The following MACF1 variants were observed in gnomAD, a reference collection of about 807,000 sequenced individuals.
MACF1 encodes microtubule-actin cross-linking factor 1.
A neutral mutation model predicts 854.8 loss-of-function variants in MACF1; 193 were observed. The ratio of observed to expected loss-of-function variants is 0.23; its 90% CI spans 0.20 to 0.25. MACF1 has a LOEUF of 0.25. MACF1 is among the 10% of genes least tolerant of loss of function. The pLI is 1.00. For missense variants in MACF1, 7,722 were observed against 8,929.1 expected (o/e 0.86, Z 5.45); for synonymous variants, 3,185 against 3,226.7 (o/e 0.99, Z 0.44).
At chr1:39,365,189 C>T (rs575866427) in intron 49 of MACF1, among the ~76,000 whole-genome samples, 21 of 152,216 alleles carry the variant, frequency 1.4e-4, no homozygotes, top group African/African-American at 4.3e-4. Flanking sequence ...CCATTCTCTG[C>T]CTCAACCTCC....
Position 39,257,942 on chromosome 1 carries a change from C to G in MACF1, c.442C>G (p.Leu148Val), listed in dbSNP as rs781562191. 1 of 1,612,280 alleles carries G rather than the reference C, an allele frequency of 6.2e-7. No homozygotes were observed. Among genetic ancestry groups the G allele is most frequent in the Non-Finnish European group, 8.5e-7 (1 of 1,178,382 alleles). ...LDFLKQRQVKLVNIRNDDITD... is the reference protein window; with the variant it reads ...LDFLKQRQVKVVNIRNDDITD... Reference sequence around the variant, plus strand: ...GCTTTTATTTCTTTTTCAGGTGAAACTAGTGAATATTCGCAATGATGACAT... The same window carrying G: ...GCTTTTATTTCTTTTTCAGGTGAAAGTAGTGAATATTCGCAATGATGACAT... The change falls in exon 6 of 101, where the codon CTA (leucine) becomes GTA (valine). Residue 148 changes from leucine to valine, a missense_variant. Leu to Val is a conservative substitution (Grantham distance 32). Coordinates refer to ENST00000564288, the MANE Select transcript of MACF1 (RefSeq NM_001394062.1).
At chr1:39,291,816 C>G in intron 15 of MACF1, 94 bp from the exon 16 acceptor site, 1 of 1,341,156 alleles carries the variant, frequency 7.5e-7, no homozygotes, top group Non-Finnish European at 1.0e-6. Flanking sequence ...GCTCAGTCCT[C>G]TACCCCTTGG....
intron 58 of MACF1, chr1:39,410,717 C>G: frequency 6.2e-7 from 1 of 1,613,960 alleles, no homozygotes; most frequent in Admixed American, 1.7e-5. Context: ...ATAGAAGCTT[C>G]TCTCAGTGAG....
At chr1:39,148,499 A>G (rs1215708860) in intron 2 of MACF1, among the ~76,000 whole-genome samples, 2 of 152,210 alleles carry the variant, frequency 1.3e-5, no homozygotes, top group East Asian at 1.9e-4. Flanking sequence ...AAATATTTTG[A>G]TGTTTTCTTT....
chr1:39,431,972 T>C (rs1643882546), intron 66 of MACF1, among the ~76,000 whole-genome samples: 1 of 152,168 alleles, frequency 6.6e-6, no homozygotes, highest in African/African-American at 2.4e-5. Flanking sequence ...TCAGACCCTG[T>C]CTCTGAGGGG....
chr1:39,473,622 C>T (rs985283078), intron 97 of MACF1, among the ~76,000 whole-genome samples: 4 of 152,142 alleles, frequency 2.6e-5, no homozygotes, highest in Non-Finnish European at 5.9e-5. Context: ...TCTTCATCCC[C>T]GTGAAATAAT....
chr1:39,281,888 A>G (rs1462128773), intron 6 of MACF1, among the ~76,000 whole-genome samples: 1 of 152,214 alleles, frequency 6.6e-6, no homozygotes, highest in Non-Finnish European at 1.5e-5. Context: ...TTCAAAACTG[A>G]CATCCAGAGA....
intron 2 of MACF1, among the ~76,000 whole-genome samples, chr1:39,128,952 A>G (rs996194997): frequency 2.0e-5 from 3 of 152,134 alleles, no homozygotes; most frequent in African/African-American, 7.2e-5. Flanking sequence ...CTTATCACAC[A>G]TTTGCCCAGT....
chr1:39,481,005 C>T lies in MACF1; in HGVS notation c.22256C>T (p.Pro7419Leu). The T allele has an allele frequency of 6.4e-7, 1 of 1,550,670 alleles. No homozygotes were observed. Among genetic ancestry groups the T allele is most frequent in the Non-Finnish European group, 8.7e-7 (1 of 1,146,902 alleles). ...AGTPIRDSHSPDLQLPTPEVI... is the reference protein window; with the variant it reads ...AGTPIRDSHSLDLQLPTPEVI... ...ACCCCTATCAGGGACAGCCATTCTC[C>T]TGACCTCCAGCTGCCCACCCCCGAG... Residue 7419 changes from proline to leucine, a missense_variant, in exon 99 of 101, where the codon CCT becomes CTT. Coordinates refer to ENST00000564288, the MANE Select transcript of MACF1 (RefSeq NM_001394062.1).
In MACF1 at chr1:39,387,711, T is replaced by C. The variant is rs745814004; in HGVS notation, c.14869T>C (p.Ser4957Pro). Residue 4957 changes from serine (S) to proline (P), a missense_variant, in exon 58 of 101, where the codon TCC becomes CCC. Transcript: ENST00000564288. ...GCTGAATGAGGTGGAGAAGCGCCGC[T>C]CCCTGCTGGAAATATTGAATAGTGC... Reference protein sequence around the residue: ...AMLNEVEKRRSLLEILNSAAD... With the variant: ...AMLNEVEKRRPLLEILNSAAD... 8 of 1,613,980 alleles carry C rather than the reference T, an allele frequency of 5.0e-6. No homozygotes were observed. Among genetic ancestry groups the C allele is most frequent in the Non-Finnish European group, 6.8e-6 (8 of 1,180,022 alleles).
chr1:39,189,526 A>G (rs987736667), intron 2 of MACF1, among the ~76,000 whole-genome samples: 18 of 152,168 alleles, frequency 1.2e-4, no homozygotes, highest in Non-Finnish European at 2.4e-4. Context: ...CCCAACCCAA[A>G]TACACAAACC....
chr1:39,378,232 C>T (rs140005301), intron 52 of MACF1, among the ~76,000 whole-genome samples: 40 of 152,252 alleles, frequency 2.6e-4, no homozygotes, highest in South Asian at 6.2e-4. Context: ...AAAGGGAATA[C>T]GAATTTCCTC....
chr1:39,361,554 C>T lies in MACF1; in HGVS notation c.12648C>T (p.Pro4216=). The T allele has an allele frequency of 6.2e-7, 1 of 1,614,130 alleles. No individual in the cohort carries two copies. The highest frequency in any genetic ancestry group is 1.1e-5 in the South Asian group (1 of 91,080). The change falls in exon 49 of 101, where the codon CCC becomes CCT. Residue 4216 remains proline (P), a synonymous_variant. Transcript: ENST00000564288. Reference sequence around the variant, plus strand: ...AGAGCTCCCTAAAGAAGCTTCTACCCCAGGCAGAGATGTTTGAACACCTCT... The same window carrying T: ...AGAGCTCCCTAAAGAAGCTTCTACCTCAGGCAGAGATGTTTGAACACCTCT... ...EKESSLKKLL[P]QAEMFEHLSG...
intron 2 of MACF1, among the ~76,000 whole-genome samples, chr1:39,235,240 C>T (rs893454528): frequency 1.2e-4 from 19 of 152,272 alleles, no homozygotes; most frequent in Non-Finnish European, 2.2e-4. Flanking sequence ...GAACGAGACT[C>T]CGTCTGCAAT....
Position 39,105,713 on chromosome 1 carries a change from C to A in MACF1, c.220+21275C>A. The A allele has an allele frequency of 8.4e-7, 1 of 1,194,992 alleles. No homozygotes were observed. Among genetic ancestry groups the A allele is most frequent in the Non-Finnish European group, 1.1e-6 (1 of 938,406 alleles). The allele number at this position is 1,194,992 out of a possible 1,614,324, so 74.0% of individuals were successfully genotyped here. On this transcript the variant is annotated intron_variant, in intron 2 of 93. Transcript: ENST00000361689. The surrounding 1 kb of genome is among the most constrained non-coding windows in gnomAD (Gnocchi z 5.9). ...CGTACGAGGATGTGCTGGAGCGGTA[C>A]AAAGGTAGGGCCGGGGACTGGCCGG...
At chr1:39,421,788 C>T (rs928037415) in intron 58 of MACF1, among the ~76,000 whole-genome samples, 5 of 151,994 alleles carry the variant, frequency 3.3e-5, no homozygotes, top group Non-Finnish European at 2.9e-5. Context: ...AAAAATTAAG[C>T]AACAGGCCGG....
At chr1:39,264,131 A>C (rs912610948) in intron 6 of MACF1, among the ~76,000 whole-genome samples, 2 of 152,186 alleles carry the variant, frequency 1.3e-5, no homozygotes, top group Non-Finnish European at 2.9e-5. Flanking sequence ...TGTGTAACAC[A>C]TCTATTATTT....
chr1:39,242,959 T>C (rs1644942826), intron 2 of MACF1, among the ~76,000 whole-genome samples: 1 of 152,158 alleles, frequency 6.6e-6, no homozygotes, highest in Non-Finnish European at 1.5e-5. Context: ...TTTAATTACA[T>C]ACCTAGGGGC....
chr1:39,172,159 G>C (rs557505537), intron 2 of MACF1, among the ~76,000 whole-genome samples: 3 of 152,130 alleles, frequency 2.0e-5, no homozygotes, highest in Admixed American at 1.3e-4. Context: ...TCTGTGGGAG[G>C]ACAGTCAAGT....
Sources: gnomAD v4.1 joint callset for allele counts (sites outside exome capture counted in the v4.1 genomes callset) on GRCh38, gnomAD v4.1.1 for gene constraint, Gnocchi (gnomAD v3.1) non-coding constraint, MANE v1.5 for transcripts, NCBI Gene and HGNC (gene_info 2026-07-23, HGNC 2026-07-21) for gene names.